Variants in XKR4 observed in about 807,000 individuals in gnomAD.
XKR4 encodes XK related 4.
Under a neutral mutation model 53.9 loss-of-function variants are expected in XKR4, and 12 were observed. The observed-to-expected ratio is 0.22, with a 90% CI of 0.14 to 0.36. XKR4 has a LOEUF of 0.36. XKR4 is among the 10% of genes least tolerant of loss of function. The probability of loss-of-function intolerance (pLI) is 1.00; values close to 1 mark genes in which losing one functional copy is unlikely to be tolerated. For missense variants in XKR4, 799 were observed against 859.5 expected, an observed-to-expected ratio of 0.93 and a Z score of 0.88; for synonymous variants, 354 against 362.4, an observed-to-expected ratio of 0.98 and a Z score of 0.26.
In XKR4 at chr8:55,538,914, G is replaced by T. The variant is rs1039337094; in HGVS notation, c.*14687G>T. On this transcript the variant is annotated 3_prime_UTR_variant, in exon 3 of 3. Transcript: ENST00000327381. ...TATTTCCACCTGTAACTCCTGAATT[G>T]ATTCATTTTCACGTTATAACTACAT... 9 of 152,154 alleles carry T rather than the reference G, an allele frequency of 5.9e-5. No homozygotes were observed. Among genetic ancestry groups the T allele is most frequent in the Non-Finnish European group, 1.3e-4 (9 of 68,044 alleles). 9.4% of individuals were successfully genotyped at this position (152,154 alleles called of 1,614,324 possible).
intron 2 of XKR4, among the ~76,000 whole-genome samples, chr8:55,424,405 A>G (rs543699866): frequency 6.6e-6 from 1 of 152,238 alleles, no homozygotes; most frequent in Non-Finnish European, 1.5e-5. Context: ...TATTCACGCA[A>G]TGATTCTATC....
intron 2 of XKR4, among the ~76,000 whole-genome samples, chr8:55,489,127 A>C (rs914472385): frequency 3.9e-5 from 6 of 152,200 alleles, no homozygotes; most frequent in Admixed American, 1.3e-4. Context: ...AGTAAACCCT[A>C]ATGTAAACAG....
intron 1 of XKR4, among the ~76,000 whole-genome samples, chr8:55,107,861 C>T (rs1257323331): frequency 6.6e-6 from 1 of 152,092 alleles, no homozygotes; most frequent in Non-Finnish European, 1.5e-5. Flanking sequence ...TATGTGTTTC[C>T]TCTCTATACA....
chr8:55,486,989 A>C (rs943582045), intron 2 of XKR4, among the ~76,000 whole-genome samples: 4 of 152,230 alleles, frequency 2.6e-5, no homozygotes, highest in Non-Finnish European at 5.9e-5. Flanking sequence ...TAGAATATGT[A>C]TATAGAGATA....
chr8:55,111,209 G>A (rs2061998), intron 1 of XKR4, among the ~76,000 whole-genome samples: 84,599 of 151,936 alleles, frequency 0.56, 24,595 homozygotes, highest in South Asian at 0.74. Context: ...TGACACATAC[G>A]GCCCAGCTCC....
In XKR4 at chr8:55,511,802, C is replaced by T. The variant is rs548140072; in HGVS notation, c.1007-11479C>T. On this transcript the variant is annotated intron_variant, in intron 2 of 2. Coordinates refer to ENST00000327381, the MANE Select transcript of XKR4 (RefSeq NM_052898.2). ...AAATATTATCCTGTCAAAAGCATTT[C>T]TTTTATATCTCTAAGGAAGAAAAAA... Among the ~76,000 whole-genome samples the T allele has an allele frequency of 1.9e-4, 29 of 152,296 alleles. No individual in the cohort carries two copies. In the South Asian group the frequency reaches 5.6e-3, roughly 29 times the overall value.
intron 2 of XKR4, among the ~76,000 whole-genome samples, chr8:55,463,774 TA>T (rs1324892901): frequency 1.3e-5 from 2 of 151,712 alleles, no homozygotes; most frequent in African/African-American, 4.9e-5. Flanking sequence ...ATAGACGCAA[TA>T]AAAAATGATA....
intron 1 of XKR4, among the ~76,000 whole-genome samples, chr8:55,340,151 A>T (rs1213987452): frequency 6.6e-6 from 1 of 152,226 alleles, no homozygotes; most frequent in East Asian, 1.9e-4. Flanking sequence ...GCACAAAAGG[A>T]AGGTCTGTAT....
At chr8:55,500,465 T>G (rs1387285874) in intron 2 of XKR4, among the ~76,000 whole-genome samples, 1 of 152,212 alleles carries the variant, frequency 6.6e-6, no homozygotes, top group Admixed American at 6.5e-5. Flanking sequence ...AAGCACTTAT[T>G]AAGCAGCATG....
chr8:55,157,151 C>T (rs1374355852), intron 1 of XKR4, among the ~76,000 whole-genome samples: 2 of 152,204 alleles, frequency 1.3e-5, no homozygotes, highest in African/African-American at 4.8e-5. Context: ...AGGCAAATCA[C>T]GAACCTTTAT....
chr8:55,255,155 C>G (rs12675796), intron 1 of XKR4, among the ~76,000 whole-genome samples: 37,473 of 152,122 alleles, frequency 0.25, 5,088 homozygotes, highest in East Asian at 0.5. Context: ...AGAGAAAACT[C>G]TTATCTATGA....
chr8:55,291,673 A>G (rs1819023052), intron 1 of XKR4, among the ~76,000 whole-genome samples: 1 of 152,174 alleles, frequency 6.6e-6, no homozygotes, highest in Admixed American at 6.5e-5. Context: ...ATGTATGTAG[A>G]AATACAACTG....
intron 2 of XKR4, among the ~76,000 whole-genome samples, chr8:55,458,633 TGGAAA>T (rs1805605742): frequency 6.6e-6 from 1 of 151,946 alleles, no homozygotes; most frequent in Non-Finnish European, 1.5e-5. Flanking sequence ...GATGGGGAGC[TGGAAA>T]GGGAATGGAG....
At chr8:55,296,356 T>C (rs1477646601) in intron 1 of XKR4, among the ~76,000 whole-genome samples, 1 of 152,162 alleles carries the variant, frequency 6.6e-6, no homozygotes, top group Non-Finnish European at 1.5e-5. Context: ...TGAACGTCCA[T>C]ATGGCCAGCT....
chr8:55,470,538 G>A (rs1357651746), intron 2 of XKR4, among the ~76,000 whole-genome samples: 1 of 152,146 alleles, frequency 6.6e-6, no homozygotes, highest in Non-Finnish European at 1.5e-5. Flanking sequence ...GGAAGTGGGA[G>A]TCCATTAAAC....
intron 2 of XKR4, among the ~76,000 whole-genome samples, chr8:55,423,914 C>T (rs912483171): frequency 6.6e-6 from 1 of 152,214 alleles, no homozygotes; most frequent in African/African-American, 2.4e-5. Context: ...AATAGATTCT[C>T]CATGAATCAG....
At chr8:55,180,114 T>C (rs2127798) in intron 1 of XKR4, among the ~76,000 whole-genome samples, 1,776 of 152,330 alleles carry the variant, frequency 0.012, 107 homozygotes, top group Admixed American at 0.097. Flanking sequence ...TAAATACTGG[T>C]TCAAATTAAC....
chr8:55,203,332 G>A (rs561251647), intron 1 of XKR4, among the ~76,000 whole-genome samples: 23 of 152,330 alleles, frequency 1.5e-4, no homozygotes, highest in African/African-American at 5.5e-4. Flanking sequence ...GGAAGGGTTC[G>A]CAAAGGTGGG....
At chr8:55,177,732 C>T (rs1229525431) in intron 1 of XKR4, among the ~76,000 whole-genome samples, 1 of 152,176 alleles carries the variant, frequency 6.6e-6, no homozygotes, top group East Asian at 1.9e-4. Context: ...TTGCTTCTTT[C>T]CCAGAGGATT....
Sources: allele counts gnomAD v4.1 joint callset (sites outside exome capture counted in the v4.1 genomes callset), GRCh38; gene constraint gnomAD v4.1.1; transcripts MANE v1.5; gene names NCBI Gene and HGNC (gene_info 2026-07-23, HGNC 2026-07-21).